The following CACNA1C variants were observed in gnomAD, a reference collection of about 807,000 sequenced individuals.
CACNA1C encodes voltage-dependent L-type calcium channel subunit alpha-1C.
CACNA1C carries 30 observed loss-of-function variants against 229.0 expected under a neutral mutation model. That is an observed-to-expected ratio of 0.13 (90% CI 0.10 to 0.18). The LOEUF (loss-of-function observed/expected upper bound fraction) is 0.18. Among genes scored for constraint, CACNA1C ranks in the 10% least tolerant of loss-of-function variants. The pLI, the probability that CACNA1C is intolerant of heterozygous loss-of-function variation, is 1.00. For missense variants in CACNA1C, 1,658 were observed against 2,845.0 expected (o/e 0.58, Z 9.49); for synonymous variants, 1,114 against 1,132.5 (o/e 0.98, Z 0.33).
At chr12:2,462,985 T>G (rs1160241276) in intron 5 of CACNA1C, among the ~76,000 whole-genome samples, 1 of 147,874 alleles carries the variant, frequency 6.8e-6, no homozygotes, top group Non-Finnish European at 1.5e-5. Flanking sequence ...TGATCTCGGC[T>G]CACTGTAAGC....
At chr12:2,587,690 C>T (rs1408433218) in intron 18 of CACNA1C, among the ~76,000 whole-genome samples, 1 of 152,212 alleles carries the variant, frequency 6.6e-6, no homozygotes, top group African/African-American at 2.4e-5. Context: ...GCTCTGAGGA[C>T]TGGGGGATGC....
At chr12:2,146,188 G>A (rs1032059257) in intron 3 of CACNA1C, among the ~76,000 whole-genome samples, 36 of 150,986 alleles carry the variant, frequency 2.4e-4, no homozygotes, top group African/African-American at 8.2e-4. Context: ...TCTCACCCTC[G>A]AGGAATTTAT....
chr12:2,591,918 C>A (rs1202439971), intron 18 of CACNA1C, among the ~76,000 whole-genome samples: 1 of 152,228 alleles, frequency 6.6e-6, no homozygotes, highest in Non-Finnish European at 1.5e-5. Flanking sequence ...CCTCTGTCTT[C>A]ACATGGCCTT....
At chr12:2,368,911 C>G (rs1408165542) in intron 3 of CACNA1C, among the ~76,000 whole-genome samples, 1 of 152,182 alleles carries the variant, frequency 6.6e-6, no homozygotes, top group African/African-American at 2.4e-5. Context: ...AGACGGCATT[C>G]CTACAGATGA....
rs1311946805 is a variant in CACNA1C at position 2,287,361 on chromosome 12, G to A, written c.478-161615G>A. Among the ~76,000 whole-genome samples the A allele has an allele frequency of 2.0e-5, 3 of 152,228 alleles. No homozygotes were observed. The highest frequency in any genetic ancestry group is 4.4e-5 in the Non-Finnish European group (3 of 68,046). ...TACGCGATCAGTGTCCCTTGAGGCA[G>A]TGCTGCACATGGTGCAGTTCCAGAG... On this transcript the variant is annotated intron_variant, in intron 3 of 46. Transcript: ENST00000399655. This position sits in a 1 kb window ranked among gnomAD's most constrained non-coding sequence, Gnocchi z 4.6.
At chr12:2,625,216 T>C (rs985908582) in intron 29 of CACNA1C, among the ~76,000 whole-genome samples, 23 of 152,234 alleles carry the variant, frequency 1.5e-4, no homozygotes, top group Middle Eastern at 3.2e-3. Flanking sequence ...AAAATAATTA[T>C]ATGACTTGCA....
At chr12:2,615,753 G>A (rs993480097) in intron 29 of CACNA1C, among the ~76,000 whole-genome samples, 4 of 152,258 alleles carry the variant, frequency 2.6e-5, no homozygotes, top group African/African-American at 4.8e-5. Context: ...CTGCTGGTTT[G>A]GTAGTGGGAG....
chr12:2,406,721 C>T (rs73246645), intron 3 of CACNA1C, among the ~76,000 whole-genome samples: 2,199 of 152,316 alleles, frequency 0.014, 57 homozygotes, highest in African/African-American at 0.048. Flanking sequence ...ACAGTAGCCA[C>T]CTAAACATTT....
intron 1 of CACNA1C, chr12:2,010,880 G>C (rs979958008): frequency 1.3e-5 from 2 of 152,126 alleles, no homozygotes; most frequent in Admixed American, 1.3e-4. Context: ...CGGGCACGGT[G>C]GCTCACGCCT....
At chr12:2,087,945 A>G (rs577606378) in intron 1 of CACNA1C, among the ~76,000 whole-genome samples, 5 of 152,316 alleles carry the variant, frequency 3.3e-5, no homozygotes, top group Admixed American at 3.3e-4. Context: ...TTCAGGAACT[A>G]TGATGCCTGA....
Position 2,585,933 on chromosome 12 carries a change from T to G in CACNA1C, c.2530+29T>G. The G allele has an allele frequency of 7.1e-7, 1 of 1,414,802 alleles. No homozygotes were observed. 87.6% of individuals were successfully genotyped at this position (1,414,802 alleles called of 1,614,324 possible). On this transcript the variant is annotated intron_variant, in intron 18 of 46. Coordinates refer to ENST00000399655, the MANE Select transcript of CACNA1C (RefSeq NM_000719.7). The surrounding 1 kb of genome is among the most constrained non-coding windows in gnomAD (Gnocchi z 4.1). ...CCAGTCCCACTGCCTAACCTGGGATTGGGAGATTGGGGGCAGAGATCTAAA... is the reference window on the plus strand; with the variant it reads ...CCAGTCCCACTGCCTAACCTGGGATGGGGAGATTGGGGGCAGAGATCTAAA...
intron 1 of CACNA1C, among the ~76,000 whole-genome samples, chr12:1,973,079 A>C (rs1392738437): frequency 6.6e-6 from 1 of 152,198 alleles, no homozygotes. Context: ...CCTTTAAAGT[A>C]ATGTTCTTCC....
chr12:2,590,949 A>G (rs1171965862), intron 18 of CACNA1C, among the ~76,000 whole-genome samples: 2 of 152,360 alleles, frequency 1.3e-5, no homozygotes, highest in Non-Finnish European at 2.9e-5. Context: ...TTCTGGTTTT[A>G]CTTATTCGAC....
chr12:2,490,894 A>G (rs529350238), intron 6 of CACNA1C, among the ~76,000 whole-genome samples: 1 of 152,322 alleles, frequency 6.6e-6, no homozygotes, highest in South Asian at 2.1e-4. Context: ...CACCTTGATC[A>G]ACGAACACAG....
In CACNA1C at chr12:2,572,673, CTCCTCCTTCTTCTCT is replaced by C. The variant is rs1247336209; in HGVS notation, c.1895+4890_1895+4904del. 1.1e-4 allele frequency among the ~76,000 whole-genome samples: 14 copies of C among 128,340 alleles called. No individual in the cohort carries two copies. In the South Asian group the frequency reaches 4.0e-3, roughly 36 times the overall value. 84.2% of individuals were successfully genotyped at this position (128,340 alleles called of 152,430 possible). A position where few individuals can be genotyped will look rare whatever the true frequency, so the allele number is the denominator to read the frequency against. On this transcript the variant is annotated intron_variant, in intron 13 of 46. Coordinates refer to ENST00000399655, the MANE Select transcript of CACNA1C (RefSeq NM_000719.7). ...TCCTCCTCCTCTCTTCCTCCTCTTC[CTCCTCCTTCTTCTCT>C]TCCTCCTTCTCCTCTTCCTCCTCCT...
At chr12:2,394,648 G>A (rs886748837) in intron 3 of CACNA1C, among the ~76,000 whole-genome samples, 3 of 152,164 alleles carry the variant, frequency 2.0e-5, no homozygotes, top group African/African-American at 7.2e-5. Flanking sequence ...CTTCAGAAGT[G>A]CATTGGTGAC....
intron 5 of CACNA1C, among the ~76,000 whole-genome samples, chr12:2,460,292 C>T (rs2283310): frequency 0.26 from 40,102 of 152,154 alleles, 5,513 homozygotes; most frequent in African/African-American, 0.29. Context: ...CAAAGCGAGT[C>T]ACATGGCCAC....
intron 1 of CACNA1C, among the ~76,000 whole-genome samples, chr12:2,114,202 A>T (rs1348790902): frequency 1.3e-5 from 2 of 152,164 alleles, no homozygotes; most frequent in Non-Finnish European, 2.9e-5. Flanking sequence ...TGGCAGTCAG[A>T]TGGTGATTGG....
At chr12:2,582,796 C>T (rs1381741996) in intron 14 of CACNA1C, 26 bp from the exon 15 acceptor site, 1 of 1,612,890 alleles carries the variant, frequency 6.2e-7, no homozygotes, top group Non-Finnish European at 8.5e-7. Flanking sequence ...CGCTGTGTCC[C>T]TTATTGGTGG....
Sources: gnomAD v4.1 joint callset for allele counts (sites outside exome capture counted in the v4.1 genomes callset) on GRCh38, gnomAD v4.1.1 for gene constraint, Gnocchi (gnomAD v3.1) non-coding constraint, MANE v1.5 for transcripts, NCBI Gene and HGNC (gene_info 2026-07-23, HGNC 2026-07-21) for gene names.